The following DRC9 variants were observed in gnomAD, a reference collection of about 807,000 sequenced individuals.
DRC9 encodes the protein dynein regulatory complex protein 9.
At chr3:197,935,371 C>T in the DRC9 span, among the ~76,000 whole-genome samples, 4 of 149,264 alleles carry the variant, frequency 2.7e-5, no homozygotes, top group South Asian at 2.1e-4. Flanking sequence ...ACCCAGGAGG[C>T]GGAGGTTGCG....
chr3:197,939,771 C>T, the DRC9 span, among the ~76,000 whole-genome samples: 1 of 151,638 alleles, frequency 6.6e-6, no homozygotes, highest in Admixed American at 6.6e-5. Flanking sequence ...CAGGGTCTTG[C>T]TCCGCCGCCC....
chr3:197,910,276 G>T, the DRC9 span, among the ~76,000 whole-genome samples: 1 of 151,920 alleles, frequency 6.6e-6, no homozygotes, highest in African/African-American at 2.4e-5. Context: ...CTGAAGCCTG[G>T]GAAACAGAGA....
chr3:197,938,793 T>C, the DRC9 span: 1 of 1,579,266 alleles, frequency 6.3e-7, no homozygotes, highest in African/African-American at 1.4e-5. Context: ...TTTAAAACAA[T>C]AAACAATTAG....
the DRC9 span, chr3:197,913,812 TGA>T: frequency 4.8e-6 from 7 of 1,463,058 alleles, no homozygotes; most frequent in Non-Finnish European, 6.7e-6. Flanking sequence ...CTTTGTTAGC[TGA>T]GAGGGGATCA....
chr3:197,905,482 C>T, the DRC9 span, among the ~76,000 whole-genome samples: 2 of 152,158 alleles, frequency 1.3e-5, no homozygotes, highest in Non-Finnish European at 2.9e-5. Context: ...TGTGATGGCT[C>T]ACACCTGTAA....
chr3:197,892,572 G>A, the DRC9 span: 3 of 1,593,352 alleles, frequency 1.9e-6, no homozygotes, highest in Non-Finnish European at 2.6e-6. Flanking sequence ...CCTCCTCAGT[G>A]AGCACCCTAA....
At chr3:197,896,305 T>G in the DRC9 span, among the ~76,000 whole-genome samples, 1 of 151,784 alleles carries the variant, frequency 6.6e-6, no homozygotes, top group Admixed American at 6.6e-5. Flanking sequence ...ATCGCACCAT[T>G]GCACTCCAGC....
chr3:197,927,724 A>C, the DRC9 span, among the ~76,000 whole-genome samples: 2 of 152,196 alleles, frequency 1.3e-5, no homozygotes, highest in African/African-American at 4.8e-5. Flanking sequence ...CATTTACATG[A>C]GATTATAAAA....
At chr3:197,952,085 C>T in the DRC9 span, among the ~76,000 whole-genome samples, 2 of 150,290 alleles carry the variant, frequency 1.3e-5, no homozygotes, top group African/African-American at 4.9e-5. Context: ...TTTTTTTTCT[C>T]GGCTCCTTTT....
the DRC9 span, among the ~76,000 whole-genome samples, chr3:197,922,227 T>C: frequency 6.6e-6 from 1 of 152,208 alleles, no homozygotes; most frequent in African/African-American, 2.4e-5. Flanking sequence ...AATTTTACTT[T>C]GGCTGAATGT....
the DRC9 span, among the ~76,000 whole-genome samples, chr3:197,933,032 TA>T: frequency 7.1e-6 from 1 of 141,206 alleles, no homozygotes; most frequent in African/African-American, 2.6e-5. Flanking sequence ...TAAAATATTA[TA>T]TATTATACAT....
the DRC9 span, among the ~76,000 whole-genome samples, chr3:197,899,974 C>T: frequency 3.3e-5 from 5 of 152,174 alleles, no homozygotes; most frequent in East Asian, 1.9e-4. Flanking sequence ...AGGGCGGGCG[C>T]GGCACCTGAG....
chr3:197,910,095 G>C, the DRC9 span, among the ~76,000 whole-genome samples: 1 of 152,066 alleles, frequency 6.6e-6, no homozygotes, highest in Non-Finnish European at 1.5e-5. Flanking sequence ...TTCAGAAAGG[G>C]GAGTAATTTA....
chr3:197,946,249 C>A, the DRC9 span, among the ~76,000 whole-genome samples: 8 of 152,034 alleles, frequency 5.3e-5, no homozygotes, highest in African/African-American at 1.9e-4. Context: ...TCCTGGCTAA[C>A]ACGGTGAAAC....
the DRC9 span, among the ~76,000 whole-genome samples, chr3:197,921,614 A>G: frequency 0.025 from 3,567 of 141,004 alleles, 167 homozygotes; most frequent in African/African-American, 0.087. Flanking sequence ...ACCTGGTTTC[A>G]TCTTGGTCGA....
At chr3:197,909,122 C>T in the DRC9 span, among the ~76,000 whole-genome samples, 2 of 152,322 alleles carry the variant, frequency 1.3e-5, no homozygotes, top group African/African-American at 4.8e-5. Context: ...CCTGTTCTTT[C>T]CCTGTGAGTG....
the DRC9 span, chr3:197,953,699 T>C: frequency 4.4e-6 from 2 of 452,250 alleles, no homozygotes; most frequent in Admixed American, 6.7e-5. Flanking sequence ...ATCCTCACAC[T>C]TGTCCTTTTT....
At chr3:197,946,224 A>G in the DRC9 span, among the ~76,000 whole-genome samples, 3 of 152,024 alleles carry the variant, frequency 2.0e-5, no homozygotes, top group Non-Finnish European at 4.4e-5. Flanking sequence ...TCACAAGGTC[A>G]GGAGATCGAG....
the DRC9 span, among the ~76,000 whole-genome samples, chr3:197,922,458 C>A: frequency 3.8e-3 from 572 of 152,224 alleles, 10 homozygotes; most frequent in African/African-American, 0.013. Flanking sequence ...GTAATCTCAG[C>A]ACTTTGGGAG....
Sources: gnomAD v4.1 joint callset for allele counts (sites outside exome capture counted in the v4.1 genomes callset) on GRCh38, gnomAD v4.1.1 for gene constraint, MANE v1.5 for transcripts, NCBI Gene and HGNC (gene_info 2026-07-23, HGNC 2026-07-21) for gene names.